Variants in TENM3 observed in about 807,000 individuals in gnomAD.
TENM3 encodes teneurin transmembrane protein 3, also known as teneurin-3.
In TENM3, 63 loss-of-function variants were observed where a neutral mutation model predicts 255.1. The observed-to-expected ratio is 0.25, with a 90% confidence interval of 0.20 to 0.30. The LOEUF is 0.30. TENM3 is among the 10% of genes least tolerant of loss of function. TENM3 has a pLI of 1.00. For missense variants in TENM3, 2,929 were observed against 3,461.1 expected (o/e 0.85, Z 3.86); for synonymous variants, 1,306 against 1,322.3 (o/e 0.99, Z 0.27).
chr4:182,581,895 A>AT (rs1314730352), intron 3 of TENM3, among the ~76,000 whole-genome samples: 34 of 152,268 alleles, frequency 2.2e-4, no homozygotes, highest in African/African-American at 7.7e-4. Context: ...GCTTTTAGAG[A>AT]TTTTTTTAAC....
At chr4:182,016,146 C>T in the TENM3 span, among the ~76,000 whole-genome samples, 3 of 152,084 alleles carry the variant, frequency 2.0e-5, no homozygotes, top group South Asian at 2.1e-4. Flanking sequence ...TCTCCTTCAA[C>T]GTGTTATTCG....
At chr4:181,469,842 C>G in the TENM3 span, among the ~76,000 whole-genome samples, 270 of 152,138 alleles carry the variant, frequency 1.8e-3, 2 homozygotes, top group East Asian at 0.049. Flanking sequence ...TATCTTTATA[C>G]TTAAGCCTTT....
intron 4 of TENM3, among the ~76,000 whole-genome samples, chr4:182,622,712 C>T (rs957383795): frequency 6.6e-6 from 1 of 152,190 alleles, no homozygotes; most frequent in Non-Finnish European, 1.5e-5. Flanking sequence ...GCTGTGGCTT[C>T]TTGGCCAAGG....
At chr4:182,637,825 A>T (rs1281719018) in intron 5 of TENM3, among the ~76,000 whole-genome samples, 3 of 152,214 alleles carry the variant, frequency 2.0e-5, no homozygotes, top group African/African-American at 7.2e-5. Context: ...TGCATAAAAG[A>T]CAGAACTTTA....
At chr4:182,797,671 A>G (rs978538483) in intron 27 of TENM3, among the ~76,000 whole-genome samples, 2 of 152,194 alleles carry the variant, frequency 1.3e-5, no homozygotes, top group African/African-American at 4.8e-5. Flanking sequence ...ACCAGAGACC[A>G]GAAAGGAATG....
At chr4:182,606,898 A>G (rs1287377572) in intron 4 of TENM3, among the ~76,000 whole-genome samples, 2 of 152,234 alleles carry the variant, frequency 1.3e-5, no homozygotes, top group Non-Finnish European at 2.9e-5. Context: ...TATTCTAATT[A>G]AAACCTGGTG....
At chr4:181,448,450 C>T in the TENM3 span, among the ~76,000 whole-genome samples, 1 of 151,932 alleles carries the variant, frequency 6.6e-6, no homozygotes, top group South Asian at 2.1e-4. Context: ...GGATTACAGG[C>T]GTGAGCCACC....
the TENM3 span, among the ~76,000 whole-genome samples, chr4:181,901,139 C>T: frequency 1.3e-5 from 2 of 152,108 alleles, no homozygotes; most frequent in African/African-American, 4.8e-5. Context: ...AACTAAGAAA[C>T]TTCTAATGGT....
At chr4:181,570,563 AAAAG>A in the TENM3 span, among the ~76,000 whole-genome samples, 5 of 147,278 alleles carry the variant, frequency 3.4e-5, no homozygotes, top group East Asian at 8.2e-4. Flanking sequence ...AGAGAGAAAA[AAAAG>A]AAAGGAAAAG....
At chr4:181,781,542 T>C in the TENM3 span, among the ~76,000 whole-genome samples, 9 of 152,208 alleles carry the variant, frequency 5.9e-5, no homozygotes, top group South Asian at 2.1e-4. Flanking sequence ...GTTTTCTAAA[T>C]ATACAGTCAT....
chr4:181,603,316 T>C, the TENM3 span, among the ~76,000 whole-genome samples: 1 of 152,236 alleles, frequency 6.6e-6, no homozygotes, highest in African/African-American at 2.4e-5. Flanking sequence ...AATTTTATTG[T>C]TGGGGGCGTC....
chr4:182,726,786 T>C (rs2152704100), intron 13 of TENM3, among the ~76,000 whole-genome samples: 1 of 152,308 alleles, frequency 6.6e-6, no homozygotes, highest in Non-Finnish European at 1.5e-5. Flanking sequence ...TTTCTTACCT[T>C]ACCGTGTTGT....
the TENM3 span, among the ~76,000 whole-genome samples, chr4:181,829,019 T>C: frequency 6.6e-6 from 1 of 152,220 alleles, no homozygotes; most frequent in African/African-American, 2.4e-5. Flanking sequence ...CAAGGTGACA[T>C]GGACCCGTTG....
rs1468333476 is a variant in TENM3, at chr4:182,659,272, T to G, written c.1111+5379T>G. ...CTCCACAGTTTTGCTTTTTGTGGTT[T>G]TAGTTACCTGTAGTCCACTGTGGTC... On this transcript the variant is annotated intron_variant, in intron 6 of 27. Coordinates refer to ENST00000511685, the MANE Select transcript of TENM3 (RefSeq NM_001080477.4). 3.3e-5 allele frequency among the ~76,000 whole-genome samples: 5 copies of G among 152,218 alleles called. No homozygotes were observed. The East Asian group carries it at 9.7e-4, about 29-fold the overall frequency.
At chr4:182,639,662 A>G (rs1752127216) in intron 5 of TENM3, among the ~76,000 whole-genome samples, 1 of 152,250 alleles carries the variant, frequency 6.6e-6, no homozygotes, top group Non-Finnish European at 1.5e-5. Context: ...TGAAGAATAA[A>G]TAACAATGAA....
the TENM3 span, among the ~76,000 whole-genome samples, chr4:181,699,442 C>CAGAAAA: frequency 2.3e-5 from 1 of 44,066 alleles, no homozygotes; most frequent in Non-Finnish European, 4.1e-5. Flanking sequence ...GACCCTGTCG[C>CAGAAAA]AAAAAAAAAA....
chr4:181,636,097 G>A, the TENM3 span, among the ~76,000 whole-genome samples: 1 of 152,044 alleles, frequency 6.6e-6, no homozygotes, highest in Non-Finnish European at 1.5e-5. Flanking sequence ...TCAGGCTGGA[G>A]TGCAATGATG....
chr4:181,819,861 C>T, the TENM3 span, among the ~76,000 whole-genome samples: 1 of 152,152 alleles, frequency 6.6e-6, no homozygotes, highest in Non-Finnish European at 1.5e-5. Context: ...AGTACCATTT[C>T]CTGGCCCAGG....
the TENM3 span, among the ~76,000 whole-genome samples, chr4:181,448,154 A>ATTTTTTTTTTTTTTTTTTTTTTTTTT: frequency 2.2e-5 from 2 of 90,066 alleles, no homozygotes; most frequent in African/African-American, 9.6e-5. Flanking sequence ...AAATCCAGTA[A>ATTTTTTTTTTTTTTTTTTTTTTTTTT]TTTTTTTTTT....
Sources: gnomAD v4.1 joint callset for allele counts (sites outside exome capture counted in the v4.1 genomes callset) on GRCh38, gnomAD v4.1.1 for gene constraint, MANE v1.5 for transcripts, NCBI Gene and HGNC (gene_info 2026-07-23, HGNC 2026-07-21) for gene names.